SBNO2: variants seen among roughly 807,000 people sequenced by gnomAD.
The protein encoded by SBNO2 is protein strawberry notch homolog 2.
Under a neutral mutation model 146.3 loss-of-function variants are expected in SBNO2, and 89 were observed. That is an observed-to-expected ratio of 0.61 (90% CI 0.51 to 0.73). SBNO2 has a LOEUF of 0.73. Among genes scored for constraint, SBNO2 ranks in the 30% least tolerant of loss-of-function variants. SBNO2 has a pLI of 0.00. For synonymous variants in SBNO2, 1,147 were observed against 892.6 expected, an observed-to-expected ratio of 1.29 and a Z score of -5.08; for missense variants, 2,092 against 2,003.7, an observed-to-expected ratio of 1.04 and a Z score of -0.84.
intron 4 of SBNO2, among the ~76,000 whole-genome samples, chr19:1,141,234 A>G (rs2080134481): frequency 6.7e-6 from 1 of 150,288 alleles, no homozygotes; most frequent in South Asian, 2.1e-4. Context: ...TTTTTTTTTT[A>G]GACAGAGTCT....
At chr19:1,118,106 C>T (rs538931686) in intron 14 of SBNO2, among the ~76,000 whole-genome samples, 48 of 152,282 alleles carry the variant, frequency 3.2e-4, no homozygotes, top group Non-Finnish European at 5.9e-4. Flanking sequence ...GAGGCTGAGG[C>T]GGTCAGATCG....
intron 4 of SBNO2, chr19:1,132,216 A>AGCATTGGG: frequency 1.1e-5 from 15 of 1,340,336 alleles, no homozygotes; most frequent in Non-Finnish European, 1.3e-5. Context: ...CAGCAGCCCC[A>AGCATTGGG]GCATTGGGTC....
Position 1,144,569 on chromosome 19 carries a change from G to A in SBNO2, c.279+2740C>T, listed in dbSNP as rs941408879. On this transcript the variant is annotated intron_variant, in intron 4 of 31. Coordinates refer to ENST00000361757, the MANE Select transcript of SBNO2 (RefSeq NM_014963.3). This position sits in a 1 kb window ranked among gnomAD's most constrained non-coding sequence, Gnocchi z 4.1. ...AGAGACATGGAGAGAGACAGAGACA[G>A]GGAGACAGAGACGCAGAGACATAGA... Among the ~76,000 whole-genome samples, 2 of 152,002 alleles carry A rather than the reference G, an allele frequency of 1.3e-5. No homozygotes were observed. The highest frequency in any genetic ancestry group is 4.8e-5 in the African/African-American group (2 of 41,370).
chr19:1,146,211 C>T (rs2080188180), intron 4 of SBNO2, among the ~76,000 whole-genome samples: 1 of 152,168 alleles, frequency 6.6e-6, no homozygotes, highest in Admixed American at 6.5e-5. Context: ...CAGGAAGGTC[C>T]CCTCACAGAC....
intron 4 of SBNO2, chr19:1,128,201 G>GGCGTCCT: frequency 2.0e-6 from 1 of 496,066 alleles, no homozygotes; most frequent in Non-Finnish European, 4.0e-6. Flanking sequence ...CACGCAGGAC[G>GGCGTCCT]GCGTCTGACT....
intron 17 of SBNO2, among the ~76,000 whole-genome samples, chr19:1,114,770 G>C (rs572493401): frequency 8.6e-5 from 13 of 151,808 alleles, no homozygotes; most frequent in South Asian, 4.2e-4. Flanking sequence ...GAGTAGGTGG[G>C]ATTACAGGCG....
At chr19:1,154,099 C>T (rs1048304702) in intron 2 of SBNO2, 85 bp downstream of exon 2, 4 of 622,978 alleles carry the variant, frequency 6.4e-6, no homozygotes, top group Non-Finnish European at 9.2e-6. Context: ...GGGCAGCATT[C>T]CGCACGACGT....
chr19:1,108,461 C>A lies in SBNO2; in HGVS notation c.3860G>T (p.Gly1287Val). 1.6e-6 allele frequency: 2 copies of A among 1,228,984 alleles called. No homozygotes were observed. The highest frequency in any genetic ancestry group is 2.0e-6 in the Non-Finnish European group (2 of 981,362). 76.1% of individuals were successfully genotyped at this position (1,228,984 alleles called of 1,614,324 possible). A position where few individuals can be genotyped will look rare whatever the true frequency, so the allele number is the denominator to read the frequency against. Residue 1287 changes from glycine (G) to valine (V), a missense_variant, in exon 32 of 32, where the codon GGC (glycine) becomes GTC (valine). Gly to Val is a moderately radical substitution (Grantham distance 109). Transcript: ENST00000361757. ...GTCGGGGGTGCCCAGCGGCACGACG[C>A]CGGGGCCGGCGTCCAGGGACAGCGG... is the stretch of plus-strand genomic sequence containing the variant. The part of the protein sequence containing the change: ...PAPLSLDAGP[G>V]VVPLGTPDAQ...
Position 1,157,944 on chromosome 19 carries a change from T to C in SBNO2, c.-126-3542A>G, listed in dbSNP as rs2080308025. ...CTCCCAGCTCTCTCCTGAGTCCGGATAACTGTCCGCCTCCCAGCTCTCTCC... is the reference window on the plus strand; with the variant it reads ...CTCCCAGCTCTCTCCTGAGTCCGGACAACTGTCCGCCTCCCAGCTCTCTCC... On this transcript the variant is annotated intron_variant, in intron 1 of 31. Coordinates refer to ENST00000361757, the MANE Select transcript of SBNO2 (RefSeq NM_014963.3). This position sits in a 1 kb window ranked among gnomAD's most constrained non-coding sequence, Gnocchi z 6.8. Among the ~76,000 whole-genome samples the C allele has an allele frequency of 6.6e-6, 1 of 151,148 alleles. No individual in the cohort carries two copies. The highest frequency in any genetic ancestry group is 2.1e-4 in the South Asian group (1 of 4,740).
At position 1,109,075 on chromosome 19, in the gene SBNO2, G is replaced by A. The variant is rs2145181784; in HGVS notation, c.3425+60C>T. On this transcript the variant is annotated intron_variant, in intron 30 of 31. Transcript: ENST00000361757. This position sits in a 1 kb window ranked among gnomAD's most constrained non-coding sequence, Gnocchi z 4.2. ...TCCTCTCAGGGTCTCGGGAGCCCCC[G>A]ATCCCCGCCTGGGTCGCCGCCATCT... 3.9e-6 allele frequency: 6 copies of A among 1,534,250 alleles called. No individual in the cohort carries two copies. Among genetic ancestry groups the A allele is most frequent in the Middle Eastern group, 2.1e-4 (1 of 4,744 alleles).
At chr19:1,170,511 C>T (rs1023552957) in intron 1 of SBNO2, among the ~76,000 whole-genome samples, 6 of 152,138 alleles carry the variant, frequency 3.9e-5, no homozygotes, top group Non-Finnish European at 8.8e-5. Context: ...AGGCTTCAAC[C>T]CGGCAGCTGG....
chr19:1,159,731 G>A (rs1380445790), intron 1 of SBNO2, among the ~76,000 whole-genome samples: 1 of 109,778 alleles, frequency 9.1e-6, no homozygotes, highest in Non-Finnish European at 1.9e-5. Context: ...AGCAAGGGAC[G>A]GGGTGACAAC....
intron 7 of SBNO2, 118 bp downstream of exon 7, chr19:1,123,416 C>T (rs1374489995): frequency 2.3e-6 from 2 of 871,170 alleles, no homozygotes; most frequent in East Asian, 2.5e-5. Context: ...GCTCTCCGGC[C>T]CTCCCTGAAG....
At chr19:1,156,786 C>T (rs898201322) in intron 1 of SBNO2, among the ~76,000 whole-genome samples, 8 of 151,880 alleles carry the variant, frequency 5.3e-5, no homozygotes, top group Admixed American at 2.0e-4. Context: ...CTGTCCAGGA[C>T]GGGCCCATCC....
rs1300407818 is a variant in SBNO2 at position 1,108,721 on chromosome 19, G to A, written c.3617-17C>T. The A allele has an allele frequency of 1.3e-6, 2 of 1,568,218 alleles. No individual in the cohort carries two copies. Among genetic ancestry groups the A allele is most frequent in the South Asian group, 1.1e-5 (1 of 87,152 alleles). On this transcript the variant is annotated splice_polypyrimidine_tract_variant and intron_variant, in intron 31 of 31. Coordinates refer to ENST00000361757, the MANE Select transcript of SBNO2 (RefSeq NM_014963.3). ...TCTTGATGCCTGCGGGCAGAGCGTCGGGGTCAGGGCCGGCGCTGGGGGCTC... is the reference window on the plus strand; with the variant it reads ...TCTTGATGCCTGCGGGCAGAGCGTCAGGGTCAGGGCCGGCGCTGGGGGCTC...
Position 1,127,732 on chromosome 19 carries a change from A to C in SBNO2, c.313T>G (p.Ser105Ala), listed in dbSNP as rs2079982817. ...GAGTCCACGGACGAGGAGAAGATGGAGATGTTGGAGAAGTCCTCAAAATAG... is the reference window on the plus strand; with the variant it reads ...GAGTCCACGGACGAGGAGAAGATGGCGATGTTGGAGAAGTCCTCAAAATAG... ...SSYFEDFSNI[S>A]IFSSSVDSLS... Residue 105 changes from serine to alanine, a missense_variant, in exon 5 of 32, where the codon TCC becomes GCC. Physicochemically the swap from Ser to Ala is moderately conservative, Grantham distance 99. Coordinates refer to ENST00000361757, the MANE Select transcript of SBNO2 (RefSeq NM_014963.3). 5 of 1,613,440 alleles carry C rather than the reference A, an allele frequency of 3.1e-6. No homozygotes were observed. In the African/African-American group the frequency reaches 6.7e-5, roughly 22 times the overall value.
rs750546164 is a variant in SBNO2, at chr19:1,109,585, C to T, written c.3137G>A (p.Arg1046His). 2.6e-6 allele frequency: 4 copies of T among 1,542,370 alleles called. No individual in the cohort carries two copies. Among genetic ancestry groups the T allele is most frequent in the Middle Eastern group, 1.7e-4 (1 of 5,716 alleles). Residue 1046 changes from arginine to histidine, a missense_variant, in exon 28 of 32, where the codon CGC becomes CAC. Transcript: ENST00000361757. This position sits in a 1 kb window ranked among gnomAD's most constrained non-coding sequence, Gnocchi z 4.2. ...QVVFYKISVD[R>H]GLKWEDAFAK... is the part of the protein sequence containing the mutation. ...AAAGGCGTCCTCCCACTTCAGGCCG[C>T]GGTCCACGCTGATCTGCCACGGCAC...
chr19:1,165,656 A>G (rs1479978328), intron 1 of SBNO2, among the ~76,000 whole-genome samples: 5 of 148,170 alleles, frequency 3.4e-5, no homozygotes, highest in African/African-American at 1.3e-4. Context: ...AGATCCCTAG[A>G]TCCCAGACCC....
intron 4 of SBNO2, chr19:1,132,376 G>T: frequency 1.3e-6 from 1 of 773,202 alleles, no homozygotes; most frequent in Non-Finnish European, 1.6e-6. Context: ...GGCAGTGCGA[G>T]GAGAATTACT....
Sources: allele counts gnomAD v4.1 joint callset (sites outside exome capture counted in the v4.1 genomes callset), GRCh38; gene constraint gnomAD v4.1.1; non-coding constraint Gnocchi (gnomAD v3.1); transcripts MANE v1.5; gene names NCBI Gene and HGNC (gene_info 2026-07-23, HGNC 2026-07-21).